IPO7: variants seen among roughly 807,000 people sequenced by gnomAD.
The protein encoded by IPO7 is importin 7, also known as importin-7.
In IPO7, 13 loss-of-function variants were observed where a neutral mutation model predicts 136.4. The observed-to-expected ratio is 0.10, with a 90% CI of 0.06 to 0.15. The LOEUF (loss-of-function observed/expected upper bound fraction) is 0.15, where lower values mean the gene tolerates loss of function less well. Among genes scored for constraint, IPO7 ranks in the 10% least tolerant of loss-of-function variants. The pLI is 1.00. For synonymous variants in IPO7, 403 were observed against 404.4 expected (o/e 1.00, Z 0.04); for missense variants, 857 against 1,240.6 (o/e 0.69, Z 4.65).
chr11:9,433,723 T>A lies in IPO7; in HGVS notation c.1951T>A (p.Phe651Ile). 1 of 1,612,910 alleles carries A rather than the reference T, an allele frequency of 6.2e-7. No individual in the cohort carries two copies. The highest frequency in any genetic ancestry group is 8.5e-7 in the Non-Finnish European group (1 of 1,179,964). ...AATGACTTAGTATTCTCTTTTAGAA[T>A]TCTATGAGGAGATCTTCTCTTTAGC... is the stretch of plus-strand genomic sequence containing the variant. ...GTVLQQHVLE[F>I]YEEIFSLAHS... Residue 651 changes from phenylalanine (F) to isoleucine (I), a missense_variant and splice_region_variant, in exon 18 of 25, where the codon TTC becomes ATC. Around this residue, in one of 11 missense-constraint regions of IPO7, gnomAD observed 190 missense variants for 249.0 expected, o/e 0.76. Coordinates refer to ENST00000379719, the MANE Select transcript of IPO7 (RefSeq NM_006391.3).
intron 3 of IPO7, among the ~76,000 whole-genome samples, chr11:9,409,632 C>A (rs560467810): frequency 2.0e-5 from 3 of 152,102 alleles, no homozygotes; most frequent in Non-Finnish European, 4.4e-5. Context: ...CCCGCCTGGG[C>A]CTCCCAAAGT....
At chr11:9,396,696 C>T (rs1363218676) in intron 1 of IPO7, among the ~76,000 whole-genome samples, 82 of 152,188 alleles carry the variant, frequency 5.4e-4, no homozygotes, top group Admixed American at 5.4e-3. Context: ...TTGTGACTGG[C>T]TTCTTTCATA....
chr11:9,433,931 T>C, intron 18 of IPO7, 85 bp downstream of exon 18: 1 of 1,416,918 alleles, frequency 7.1e-7, no homozygotes, highest in Non-Finnish European at 9.5e-7. Flanking sequence ...CACTTTTTTT[T>C]TTTTTTTTTG....
At chr11:9,405,178 TG>T (rs1310622259) in intron 2 of IPO7, among the ~76,000 whole-genome samples, 1 of 152,086 alleles carries the variant, frequency 6.6e-6, no homozygotes, top group Non-Finnish European at 1.5e-5. Context: ...ATCTTTTTTT[TG>T]TTTTTGTTTT....
At chr11:9,421,805 G>A (rs1451306552) in intron 8 of IPO7, among the ~76,000 whole-genome samples, 7 of 152,118 alleles carry the variant, frequency 4.6e-5, no homozygotes, top group South Asian at 4.1e-4. Context: ...GTAGCCGGGC[G>A]TGGTGGCGGG....
intron 22 of IPO7, among the ~76,000 whole-genome samples, chr11:9,440,004 T>C (rs527372093): frequency 6.6e-6 from 1 of 152,254 alleles, no homozygotes; most frequent in South Asian, 2.1e-4. Context: ...TATAACATTA[T>C]GTTAATTAAA....
rs1338401516 is a variant in IPO7, at chr11:9,421,752, G to C, written c.906+1054G>C. Among the ~76,000 whole-genome samples, 3 of 150,290 alleles carry C rather than the reference G, an allele frequency of 2.0e-5. No individual in the cohort carries two copies. The East Asian group carries it at 6.0e-4, about 30-fold the overall frequency. On this transcript the variant is annotated intron_variant, in intron 8 of 24. Coordinates refer to ENST00000379719, the MANE Select transcript of IPO7 (RefSeq NM_006391.3). Reference sequence around the variant, plus strand: ...GAGGTCAGGAGATCAAGACCATCCTGGCTAACACAGTGAAACCCCATTTCT... The same window carrying C: ...GAGGTCAGGAGATCAAGACCATCCTCGCTAACACAGTGAAACCCCATTTCT...
chr11:9,429,006 G>A (rs1855254305), intron 13 of IPO7, 25 bp from the exon 14 acceptor site: 8 of 1,603,530 alleles, frequency 5.0e-6, no homozygotes, highest in Non-Finnish European at 6.0e-6. Flanking sequence ...GGTATCTACA[G>A]TAACTCACTG....
intron 1 of IPO7, among the ~76,000 whole-genome samples, chr11:9,396,967 T>C (rs1471541500): frequency 2.0e-5 from 3 of 152,074 alleles, no homozygotes; most frequent in African/African-American, 4.8e-5. Context: ...AACATTTTCA[T>C]TGGCCTAGAA....
Position 9,423,854 on chromosome 11 carries a change from C to T in IPO7, c.1119C>T (p.Tyr373=), listed in dbSNP as rs150372543. 211 of 1,599,514 alleles carry T rather than the reference C, an allele frequency of 1.3e-4. No individual in the cohort carries two copies. In the African/African-American group the frequency reaches 1.6e-3, roughly 12 times the overall value. The part of the protein sequence containing the change: ...ADEELWQEDP[Y]EYIRMKFDVF... The stretch of plus-strand genomic sequence containing the variant: ...AGGAACTTTGGCAAGAAGACCCTTA[C>T]GAATATATACGCATGAAGTTTGGTA... The change falls in exon 10 of 25, where the codon TAC becomes TAT. Residue 373 remains tyrosine (Y), a synonymous_variant. Coordinates refer to ENST00000379719, the MANE Select transcript of IPO7 (RefSeq NM_006391.3).
intron 6 of IPO7, among the ~76,000 whole-genome samples, chr11:9,419,817 G>A (rs923625095): frequency 5.9e-5 from 9 of 151,856 alleles, no homozygotes; most frequent in African/African-American, 2.2e-4. Flanking sequence ...AGTTTCTCAT[G>A]CCCTTTCCAT....
At chr11:9,438,316 C>T (rs1590453897) in intron 22 of IPO7, 31 bp downstream of exon 22, 1 of 1,314,162 alleles carries the variant, frequency 7.6e-7, no homozygotes, top group East Asian at 2.3e-5. Context: ...GAAGACAAAA[C>T]TTATCTACTT....
intron 2 of IPO7, chr11:9,403,675 G>T: frequency 3.6e-6 from 1 of 276,876 alleles, no homozygotes; most frequent in Admixed American, 5.1e-5. Flanking sequence ...AAACATGTTT[G>T]TTTATATAGT....
At chr11:9,412,522 T>A (rs548957983) in intron 4 of IPO7, among the ~76,000 whole-genome samples, 2 of 152,306 alleles carry the variant, frequency 1.3e-5, no homozygotes, top group East Asian at 3.9e-4. Flanking sequence ...GACTCCTTAA[T>A]AATGGAAGCT....
intron 2 of IPO7, among the ~76,000 whole-genome samples, chr11:9,404,603 T>A (rs2133732535): frequency 6.8e-6 from 1 of 146,660 alleles, no homozygotes; most frequent in East Asian, 2.0e-4. Flanking sequence ...TCTCGCTCTG[T>A]TGCCCAGGCT....
chr11:9,397,951 G>C (rs917082342), intron 1 of IPO7, among the ~76,000 whole-genome samples: 2 of 152,150 alleles, frequency 1.3e-5, no homozygotes, highest in African/African-American at 4.8e-5. Context: ...TAGCATTCTA[G>C]GAAGTGGCAT....
Position 9,403,505 on chromosome 11 carries a change from C to T in IPO7, c.166+134C>T, listed in dbSNP as rs981798434. The stretch of plus-strand genomic sequence containing the variant: ...GTAATTTGTTTACCTTCAGTGTTTA[C>T]AGCTAACATCAGGTACCTTGATATC... On this transcript the variant is annotated intron_variant, in intron 2 of 24. Coordinates refer to ENST00000379719, the MANE Select transcript of IPO7 (RefSeq NM_006391.3). The T allele has an allele frequency of 4.9e-6, 3 of 612,014 alleles. No individual in the cohort carries two copies. The African/African-American group carries it at 5.6e-5, about 12-fold the overall frequency. The allele number at this position is 612,014 out of a possible 1,614,324, so 37.9% of individuals were successfully genotyped here.
chr11:9,419,559 A>AAAAAAAAAAAATAT (rs1256216265), intron 6 of IPO7, among the ~76,000 whole-genome samples: 4 of 116,864 alleles, frequency 3.4e-5, no homozygotes, highest in African/African-American at 1.5e-4. Context: ...AAAAAAAAAA[A>AAAAAAAAAAAATAT]ATATATATAT....
chr11:9,445,724 A>C lies in IPO7; in HGVS notation c.*530A>C, dbSNP rs913013095. The C allele has an allele frequency of 6.6e-6, 1 of 152,522 alleles. No individual in the cohort carries two copies. The highest frequency in any genetic ancestry group is 1.5e-5 in the Non-Finnish European group (1 of 68,316). The allele number at this position is 152,522 out of a possible 1,614,324, so 9.4% of individuals were successfully genotyped here. ...TTATTCAGTCTTCATCATTTTCATC[A>C]TTGTTCCTATGTAGATTATTGGACA... On this transcript the variant is annotated 3_prime_UTR_variant, in exon 25 of 25. Coordinates refer to ENST00000379719, the MANE Select transcript of IPO7 (RefSeq NM_006391.3).
Sources: gnomAD v4.1 joint callset for allele counts (sites outside exome capture counted in the v4.1 genomes callset) on GRCh38, gnomAD v4.1.1 for gene constraint, gnomAD v4.1.1 regional missense constraint, MANE v1.5 for transcripts, NCBI Gene and HGNC (gene_info 2026-07-23, HGNC 2026-07-21) for gene names.